HSD17B12: variants seen among roughly 807,000 people sequenced by gnomAD.
The protein encoded by HSD17B12 is very-long-chain 3-oxoacyl-CoA reductase.
In HSD17B12, 32 loss-of-function variants were observed where a neutral mutation model predicts 39.3. The observed-to-expected ratio is 0.81, with a 90% CI of 0.61 to 1.09. The LOEUF is 1.09. HSD17B12 is among the 50% of genes least tolerant of loss of function. The pLI is 0.00. For missense variants in HSD17B12, 342 were observed against 382.9 expected, an observed-to-expected ratio of 0.89 and a Z score of 0.89; for synonymous variants, 150 against 146.7, an observed-to-expected ratio of 1.02 and a Z score of -0.16.
chr11:43,622,552 A>G, the HSD17B12 span, among the ~76,000 whole-genome samples: 1 of 152,160 alleles, frequency 6.6e-6, no homozygotes, highest in Non-Finnish European at 1.5e-5. Flanking sequence ...AATAAATAGA[A>G]GAGGTATAAA....
At chr11:43,801,920 A>G (rs940529188) in intron 4 of HSD17B12, among the ~76,000 whole-genome samples, 2 of 152,146 alleles carry the variant, frequency 1.3e-5, no homozygotes, top group Non-Finnish European at 2.9e-5. Context: ...AAGCCACAGT[A>G]ATTTTAGCTT....
At chr11:43,647,104 G>T in the HSD17B12 span, among the ~76,000 whole-genome samples, 1 of 152,094 alleles carries the variant, frequency 6.6e-6, no homozygotes, top group South Asian at 2.1e-4. Context: ...ATGGAAACTT[G>T]TTTCCAAATA....
At chr11:43,784,301 A>ATAT (rs36168037) in intron 3 of HSD17B12, among the ~76,000 whole-genome samples, 12,526 of 142,998 alleles carry the variant, frequency 0.088, 546 homozygotes, top group African/African-American at 0.1. Context: ...TCAGGGATTG[A>ATAT]TATTATTATT....
the HSD17B12 span, among the ~76,000 whole-genome samples, chr11:43,649,249 C>G: frequency 6.6e-6 from 1 of 151,718 alleles, no homozygotes; most frequent in Non-Finnish European, 1.5e-5. Flanking sequence ...TAATTACTTT[C>G]TGATAGAATT....
chr11:43,632,293 A>G, the HSD17B12 span, among the ~76,000 whole-genome samples: 1 of 152,218 alleles, frequency 6.6e-6, no homozygotes, highest in Non-Finnish European at 1.5e-5. Flanking sequence ...GTGAAGACCA[A>G]TGCTTCCAGT....
chr11:43,656,181 G>A, the HSD17B12 span, among the ~76,000 whole-genome samples: 1 of 152,146 alleles, frequency 6.6e-6, no homozygotes, highest in Non-Finnish European at 1.5e-5. Context: ...AGATTTTCTA[G>A]TTTATTTGCG....
chr11:43,715,803 T>G (rs538389732), intron 1 of HSD17B12, among the ~76,000 whole-genome samples: 109 of 152,280 alleles, frequency 7.2e-4, no homozygotes, highest in African/African-American at 2.6e-3. Flanking sequence ...ACGAACTGAA[T>G]TTTTAATTTT....
intron 1 of HSD17B12, among the ~76,000 whole-genome samples, chr11:43,747,130 A>C (rs2134930686): frequency 6.6e-6 from 1 of 152,360 alleles, no homozygotes; most frequent in East Asian, 1.9e-4. Context: ...GCAACTTTTT[A>C]GACCAACTAA....
intron 3 of HSD17B12, chr11:43,754,767 C>CT (rs1950494911): frequency 1.6e-6 from 1 of 614,698 alleles, no homozygotes; most frequent in African/African-American, 1.9e-5. Flanking sequence ...GTTTTTTACT[C>CT]TTTTTATCTC....
chr11:43,594,200 T>C, the HSD17B12 span, among the ~76,000 whole-genome samples: 1 of 152,096 alleles, frequency 6.6e-6, no homozygotes, highest in East Asian at 1.9e-4. Flanking sequence ...ATCCTTGAAA[T>C]AGTAGTAATC....
intron 1 of HSD17B12, among the ~76,000 whole-genome samples, chr11:43,725,217 T>C (rs1169015197): frequency 6.6e-6 from 1 of 152,246 alleles, no homozygotes; most frequent in Non-Finnish European, 1.5e-5. Flanking sequence ...CTAGTTTTGT[T>C]ACCTTGAGCA....
intron 1 of HSD17B12, among the ~76,000 whole-genome samples, chr11:43,718,101 G>A (rs564720004): frequency 1.3e-5 from 2 of 152,232 alleles, no homozygotes; most frequent in African/African-American, 4.8e-5. Context: ...CACTGCACCT[G>A]GCCAGTTCTA....
Position 43,801,595 on chromosome 11 carries a change from G to GATATATATATATAT in HSD17B12, c.391+3191_391+3204dup, listed in dbSNP as rs55674379. Among the ~76,000 whole-genome samples, 51 of 72,714 alleles carry GATATATATATATAT rather than the reference G, an allele frequency of 7.0e-4. 1 individual carries two copies. Among genetic ancestry groups the GATATATATATATAT allele is most frequent in the South Asian group, 2.5e-3 (5 of 2,034 alleles). The allele number at this position is 72,714 out of a possible 152,430, so 47.7% of individuals were successfully genotyped here. ...TTGACTTGTTTAGTTGATAGTTGGA[G>GATATATATATATAT]ATATATATATATATATATATATATA... On this transcript the variant is annotated intron_variant, in intron 4 of 10. Transcript: ENST00000278353.
the HSD17B12 span, among the ~76,000 whole-genome samples, chr11:43,673,842 G>C: frequency 2.0e-5 from 3 of 152,094 alleles, no homozygotes; most frequent in African/African-American, 7.2e-5. Context: ...CTTTCTCTGA[G>C]CTAGTTCTGG....
the HSD17B12 span, among the ~76,000 whole-genome samples, chr11:43,564,550 C>G: frequency 6.6e-6 from 1 of 152,178 alleles, no homozygotes; most frequent in Non-Finnish European, 1.5e-5. Flanking sequence ...GTGTAAGTTG[C>G]AGCATGATGA....
chr11:43,652,201 G>C, the HSD17B12 span, among the ~76,000 whole-genome samples: 2 of 152,086 alleles, frequency 1.3e-5, no homozygotes, highest in Non-Finnish European at 2.9e-5. Flanking sequence ...GAAAGTTGGA[G>C]GACTTACATT....
the HSD17B12 span, among the ~76,000 whole-genome samples, chr11:43,675,306 AG>A: frequency 6.6e-6 from 1 of 152,092 alleles, no homozygotes; most frequent in Non-Finnish European, 1.5e-5. Context: ...TACCATTCTA[AG>A]GGGGATGACA....
intron 9 of HSD17B12, among the ~76,000 whole-genome samples, chr11:43,845,121 G>A (rs1339038781): frequency 1.3e-5 from 2 of 152,170 alleles, no homozygotes; most frequent in Non-Finnish European, 2.9e-5. Context: ...AGCCTCCTGT[G>A]TGGCTAGGAC....
chr11:43,843,578 A>C (rs1590345090), intron 9 of HSD17B12, among the ~76,000 whole-genome samples: 1 of 151,964 alleles, frequency 6.6e-6, no homozygotes, highest in African/African-American at 2.4e-5. Flanking sequence ...TGTCTAGTAC[A>C]TGCTCTGCCC....
Sources: gnomAD v4.1 joint callset for allele counts (sites outside exome capture counted in the v4.1 genomes callset) on GRCh38, gnomAD v4.1.1 for gene constraint, MANE v1.5 for transcripts, NCBI Gene and HGNC (gene_info 2026-07-23, HGNC 2026-07-21) for gene names.